The following RLIG1 variants were observed in gnomAD, a reference collection of about 807,000 sequenced individuals.
RLIG1 encodes the protein RNA 5'-phosphate and 3'-OH ligase 1.
At chr12:88,043,700 A>AATGGACAC in the RLIG1 span, 7 of 1,610,070 alleles carry the variant, frequency 4.3e-6, no homozygotes, top group Admixed American at 1.2e-4. Flanking sequence ...GCCTGATGAA[A>AATGGACAC]ATGGACACAT....
At chr12:88,035,546 C>T in the RLIG1 span, 24 of 1,217,882 alleles carry the variant, frequency 2.0e-5, no homozygotes, top group South Asian at 2.6e-5. Context: ...GCGGAGTGTG[C>T]GTGGCCTGAG....
the RLIG1 span, among the ~76,000 whole-genome samples, chr12:88,037,369 C>G: frequency 1.3e-5 from 2 of 150,334 alleles, no homozygotes; most frequent in African/African-American, 5.0e-5. Flanking sequence ...CCTTTTATGA[C>G]AGGTGGAGAA....
chr12:88,047,150 G>T, the RLIG1 span, among the ~76,000 whole-genome samples: 7 of 152,068 alleles, frequency 4.6e-5, no homozygotes, highest in Non-Finnish European at 1.0e-4. Context: ...GTGCTTCCCA[G>T]TGTGTATTGT....
chr12:88,039,578 A>G, the RLIG1 span, among the ~76,000 whole-genome samples: 1 of 152,118 alleles, frequency 6.6e-6, no homozygotes, highest in African/African-American at 2.4e-5. Context: ...AGATATTTAC[A>G]TGGTATTCCT....
chr12:88,045,799 T>C, the RLIG1 span: 1 of 1,589,592 alleles, frequency 6.3e-7, no homozygotes, highest in African/African-American at 1.3e-5. Flanking sequence ...GACTTTTTCT[T>C]GTTCAGTTAT....
the RLIG1 span, chr12:88,045,549 T>C: frequency 6.0e-6 from 9 of 1,512,322 alleles, no homozygotes; most frequent in East Asian, 1.6e-4. Flanking sequence ...AAAAACGATC[T>C]AATAACAAAT....
At chr12:88,040,976 T>A in the RLIG1 span, among the ~76,000 whole-genome samples, 3 of 152,300 alleles carry the variant, frequency 2.0e-5, no homozygotes, top group African/African-American at 7.2e-5. Context: ...TTTGCCATCT[T>A]AACCATTTTT....
the RLIG1 span, chr12:88,047,071 A>T: frequency 2.5e-4 from 313 of 1,236,368 alleles, no homozygotes; most frequent in Non-Finnish European, 3.3e-4. Context: ...AATGGCAGCA[A>T]TTCTTATTTG....
the RLIG1 span, chr12:88,042,999 A>G: frequency 1.1e-4 from 79 of 748,128 alleles, no homozygotes; most frequent in East Asian, 2.5e-3. Flanking sequence ...TCTATACATT[A>G]TATCCTTCTG....
chr12:88,047,551 C>G, the RLIG1 span, among the ~76,000 whole-genome samples: 1 of 152,098 alleles, frequency 6.6e-6, no homozygotes, highest in Non-Finnish European at 1.5e-5. Flanking sequence ...CAATTCCTAA[C>G]AGTTCTAATC....
chr12:88,049,400 CTTCT>C, the RLIG1 span: 48 of 1,471,560 alleles, frequency 3.3e-5, no homozygotes, highest in Admixed American at 9.8e-5. Context: ...CTTTTTTCAG[CTTCT>C]TTATTTCCTC....
chr12:88,049,214 T>G, the RLIG1 span: 1 of 1,599,678 alleles, frequency 6.3e-7, no homozygotes, highest in Non-Finnish European at 8.5e-7. Flanking sequence ...CAGGACTTTC[T>G]TCTTCATCTT....
the RLIG1 span, among the ~76,000 whole-genome samples, chr12:88,047,998 G>A: frequency 1.3e-5 from 2 of 151,846 alleles, no homozygotes; most frequent in Non-Finnish European, 2.9e-5. Flanking sequence ...CCAGGTGCTG[G>A]ACATACACAG....
the RLIG1 span, chr12:88,049,576 A>G: frequency 7.5e-6 from 4 of 535,928 alleles, no homozygotes; most frequent in East Asian, 3.3e-5. Flanking sequence ...TCCATTGTAC[A>G]GTGTAAATAA....
At chr12:88,036,130 A>G in the RLIG1 span, 2 of 1,279,482 alleles carry the variant, frequency 1.6e-6, no homozygotes, top group Admixed American at 2.3e-5. Flanking sequence ...GAAAGGGTGG[A>G]TATTAGAAGA....
chr12:88,048,264 C>T, the RLIG1 span: 1 of 1,589,354 alleles, frequency 6.3e-7, no homozygotes, highest in South Asian at 1.2e-5. Context: ...CTTATGCTGG[C>T]CAATTCCAGA....
the RLIG1 span, chr12:88,035,720 C>T: frequency 6.2e-7 from 1 of 1,603,298 alleles, no homozygotes; most frequent in South Asian, 1.1e-5. Context: ...AGGAGCCTTC[C>T]TCCAAAAGGG....
At chr12:88,048,206 A>G in the RLIG1 span, 1 of 1,490,568 alleles carries the variant, frequency 6.7e-7, no homozygotes, top group Non-Finnish European at 8.9e-7. Flanking sequence ...TCTGTATGCT[A>G]AAGCTAATAC....
At chr12:88,048,439 G>A in the RLIG1 span, 1 of 1,246,396 alleles carries the variant, frequency 8.0e-7, no homozygotes, top group East Asian at 2.7e-5. Flanking sequence ...AATAAAATTA[G>A]TTTATCATTA....
Sources: allele counts gnomAD v4.1 joint callset (sites outside exome capture counted in the v4.1 genomes callset), GRCh38; gene constraint gnomAD v4.1.1; transcripts MANE v1.5; gene names NCBI Gene and HGNC (gene_info 2026-07-23, HGNC 2026-07-21).